Variants in NTNG1 observed in about 807,000 individuals in gnomAD.
NTNG1 encodes netrin-G1.
NTNG1 carries 16 observed loss-of-function variants against 54.0 expected under a neutral mutation model. That is an observed-to-expected ratio of 0.30 (90% confidence interval 0.20 to 0.45). The LOEUF is 0.45. NTNG1 is among the 20% of genes least tolerant of loss of function. The pLI is 1.00. For missense variants in NTNG1, 530 were observed against 678.7 expected (o/e 0.78, Z 2.43); for synonymous variants, 255 against 263.1 (o/e 0.97, Z 0.30).
At chr1:107,308,724 A>C (rs1666831653) in intron 2 of NTNG1, among the ~76,000 whole-genome samples, 1 of 152,174 alleles carries the variant, frequency 6.6e-6, no homozygotes, top group South Asian at 2.1e-4. Context: ...ATAGCACTGC[A>C]TCTGTAAATA....
chr1:107,215,961 G>A (rs1356040776), intron 2 of NTNG1, among the ~76,000 whole-genome samples: 2 of 152,076 alleles, frequency 1.3e-5, no homozygotes, highest in African/African-American at 4.8e-5. Context: ...TGCTGTTGGT[G>A]TATAGCACGG....
intron 3 of NTNG1, among the ~76,000 whole-genome samples, chr1:107,341,126 T>C (rs958657131): frequency 2.0e-5 from 3 of 151,982 alleles, no homozygotes; most frequent in East Asian, 1.9e-4. Flanking sequence ...CCATCTCTTA[T>C]AAAAAAGAAA....
intron 7 of NTNG1, 52 bp downstream of exon 7, chr1:107,436,851 G>T (rs1675631944): frequency 1.9e-6 from 3 of 1,578,046 alleles, no homozygotes; most frequent in Non-Finnish European, 2.6e-6. Context: ...GCTGATTTCT[G>T]CTTGGCTAGG....
At chr1:107,398,076 C>G (rs1345284898) in intron 4 of NTNG1, among the ~76,000 whole-genome samples, 3 of 152,092 alleles carry the variant, frequency 2.0e-5, no homozygotes, top group Non-Finnish European at 4.4e-5. Context: ...AACACAAAAG[C>G]TACAACTTCT....
chr1:107,237,898 G>T (rs1235039596), intron 2 of NTNG1, among the ~76,000 whole-genome samples: 1 of 152,194 alleles, frequency 6.6e-6, no homozygotes, highest in Non-Finnish European at 1.5e-5. Flanking sequence ...CCTCTGCTAG[G>T]TCAGTGTGGA....
chr1:107,234,508 T>C (rs951425307), intron 2 of NTNG1, among the ~76,000 whole-genome samples: 4 of 152,134 alleles, frequency 2.6e-5, no homozygotes, highest in Non-Finnish European at 5.9e-5. Context: ...GCAAGCACTG[T>C]TCTAAATACT....
chr1:107,364,441 G>A (rs1279975556), intron 3 of NTNG1, among the ~76,000 whole-genome samples: 1 of 152,038 alleles, frequency 6.6e-6, no homozygotes, highest in Non-Finnish European at 1.5e-5. Flanking sequence ...GTTTTTTGTT[G>A]TTGTTTTACT....
chr1:107,355,634 T>G (rs1216718249), intron 3 of NTNG1, among the ~76,000 whole-genome samples: 14 of 152,156 alleles, frequency 9.2e-5, no homozygotes, highest in Non-Finnish European at 4.4e-5. Context: ...CCTTGCCAAT[T>G]GTCTCAACAA....
intron 2 of NTNG1, among the ~76,000 whole-genome samples, chr1:107,216,597 T>G (rs771644999): frequency 6.6e-6 from 1 of 152,096 alleles, no homozygotes; most frequent in Non-Finnish European, 1.5e-5. Flanking sequence ...GGGATATTGG[T>G]CTGTGGTTTT....
intron 2 of NTNG1, among the ~76,000 whole-genome samples, chr1:107,241,436 T>G (rs1413647856): frequency 6.6e-6 from 1 of 152,200 alleles, no homozygotes; most frequent in Non-Finnish European, 1.5e-5. Flanking sequence ...TGCCTTCAGT[T>G]AATGTTCTGT....
At chr1:107,149,484 GAA>G (rs1557761116) in intron 2 of NTNG1, among the ~76,000 whole-genome samples, 2 of 152,140 alleles carry the variant, frequency 1.3e-5, no homozygotes, top group Non-Finnish European at 2.9e-5. Context: ...TTGGAATATA[GAA>G]AACTTATTTG....
intron 3 of NTNG1, among the ~76,000 whole-genome samples, chr1:107,351,824 A>G (rs577337439): frequency 7.9e-5 from 12 of 152,358 alleles, no homozygotes; most frequent in African/African-American, 2.6e-4. Context: ...AGTCTGTAAA[A>G]TCAAAAACAA....
intron 2 of NTNG1, among the ~76,000 whole-genome samples, chr1:107,299,415 T>C (rs1666188197): frequency 6.6e-6 from 1 of 152,178 alleles, no homozygotes; most frequent in Non-Finnish European, 1.5e-5. Context: ...GCACATACAG[T>C]GGTACTTCTC....
At chr1:107,189,530 A>G (rs1325810672) in intron 2 of NTNG1, among the ~76,000 whole-genome samples, 1 of 151,854 alleles carries the variant, frequency 6.6e-6, no homozygotes, top group Admixed American at 6.6e-5. Flanking sequence ...CTACACAAGT[A>G]TCTTTCATAG....
At chr1:107,172,755 A>G (rs1656343290) in intron 2 of NTNG1, among the ~76,000 whole-genome samples, 1 of 152,210 alleles carries the variant, frequency 6.6e-6, no homozygotes, top group Non-Finnish European at 1.5e-5. Flanking sequence ...TCCTTGTCCC[A>G]CGAGTCACTA....
At chr1:107,311,948 T>C (rs148475844) in intron 2 of NTNG1, among the ~76,000 whole-genome samples, 1 of 152,192 alleles carries the variant, frequency 6.6e-6, no homozygotes, top group Admixed American at 6.5e-5. Context: ...GAGGCTATTC[T>C]TGAAGAATCT....
intron 2 of NTNG1, among the ~76,000 whole-genome samples, chr1:107,297,046 G>A (rs1422358310): frequency 6.8e-6 from 1 of 147,708 alleles, no homozygotes; most frequent in Non-Finnish European, 1.5e-5. Flanking sequence ...AGTGGAGCAA[G>A]TACTATCTGG....
intron 3 of NTNG1, among the ~76,000 whole-genome samples, chr1:107,341,094 C>T (rs960737958): frequency 6.6e-6 from 1 of 151,906 alleles, no homozygotes; most frequent in Non-Finnish European, 1.5e-5. Context: ...TTTGAGACCA[C>T]ACTGGACAAC....
intron 2 of NTNG1, among the ~76,000 whole-genome samples, chr1:107,264,322 G>A (rs1191969339): frequency 6.6e-6 from 1 of 152,082 alleles, no homozygotes; most frequent in Non-Finnish European, 1.5e-5. Flanking sequence ...TTTGTTGGAG[G>A]TTGACACACT....
Sources: allele counts gnomAD v4.1 joint callset (sites outside exome capture counted in the v4.1 genomes callset), GRCh38; gene constraint gnomAD v4.1.1; transcripts MANE v1.5; gene names NCBI Gene and HGNC (gene_info 2026-07-23, HGNC 2026-07-21).